AMTN: variants seen among roughly 807,000 people sequenced by gnomAD.
The protein encoded by AMTN is amelotin.
AMTN carries 29 observed loss-of-function variants against 27.4 expected under a neutral mutation model. The observed-to-expected ratio is 1.06, with a 90% CI of 0.79 to 1.44. The LOEUF (loss-of-function observed/expected upper bound fraction) is 1.44. Ranked by LOEUF, AMTN falls within the 40% of genes most tolerant of loss-of-function variation. AMTN has a pLI of 0.00. For synonymous variants in AMTN, 86 were observed against 95.7 expected (o/e 0.90, Z 0.59); for missense variants, 247 against 248.8 (o/e 0.99, Z 0.05).
chr4:70,529,108 A>T, intron 6 of AMTN, 76 bp from the exon 7 acceptor site: 1 of 1,249,880 alleles, frequency 8.0e-7, no homozygotes, highest in Non-Finnish European at 1.1e-6. Flanking sequence ...TTTAAGTTTT[A>T]AGTGATATTA....
In AMTN at chr4:70,529,209, T is replaced by C. The variant is rs751650716; in HGVS notation, c.356T>C (p.Leu119Ser). 1.2e-5 allele frequency: 18 copies of C among 1,545,192 alleles called. No individual in the cohort carries two copies. Among genetic ancestry groups the C allele is most frequent in the Non-Finnish European group, 1.6e-5 (18 of 1,150,628 alleles). The part of the protein sequence containing the change: ...AQGTILSSEE[L>S]PQIFTSLIIH... ...GGCACTATCCTAAGCTCAGAGGAATTGGTAAAAAAAATAAAAATACTATTT... is the reference window on the plus strand; with the variant it reads ...GGCACTATCCTAAGCTCAGAGGAATCGGTAAAAAAAATAAAAATACTATTT... Residue 119 changes from leucine (L) to serine (S), a missense_variant and splice_region_variant, in exon 7 of 9, where the codon TTG (leucine) becomes TCG (serine). Leu to Ser is a moderately radical substitution (Grantham distance 145). Coordinates refer to ENST00000339336, the MANE Select transcript of AMTN (RefSeq NM_212557.4).
Position 70,531,044 on chromosome 4 carries a change from A to T in AMTN, c.363A>T (p.Gln121His). The change falls in exon 8 of 9, where the codon CAA (glutamine) becomes CAT (histidine). Residue 121 changes from glutamine to histidine, a missense_variant. By Grantham distance (24) the Gln-to-His change is conservative (BLOSUM62 0). Coordinates refer to ENST00000339336, the MANE Select transcript of AMTN (RefSeq NM_212557.4). ...GTILSSEELP[Q>H]IFTSLIIHSL... ...GTTTGCTTCCCTCATTCCAGCCACAAATCTTCACGAGCCTCATCATCCATT... is the reference window on the plus strand; with the variant it reads ...GTTTGCTTCCCTCATTCCAGCCACATATCTTCACGAGCCTCATCATCCATT... 6.2e-7 allele frequency: 1 copy of T among 1,613,644 alleles called. No individual in the cohort carries two copies. The highest frequency in any genetic ancestry group is 8.5e-7 in the Non-Finnish European group (1 of 1,179,704).
rs3223259 is a variant in AMTN at position 70,530,221 on chromosome 4, GCACACA to G, written c.358-797_358-792del. Among the ~76,000 whole-genome samples the G allele has an allele frequency of 5.6e-3, 848 of 150,278 alleles. 8 individuals carry two copies. The highest frequency in any genetic ancestry group is 0.017 in the African/African-American group (683 of 41,044). On this transcript the variant is annotated intron_variant, in intron 7 of 8. Transcript: ENST00000339336. Reference sequence around the variant, plus strand: ...GCAACTACATTTTTCATGCAGCTTAGCACACACACACACACACACACACACATTCAC... The same window carrying G: ...GCAACTACATTTTTCATGCAGCTTAGCACACACACACACACACACATTCAC...
intron 8 of AMTN, among the ~76,000 whole-genome samples, chr4:70,531,861 G>A (rs1205793940): frequency 1.3e-5 from 2 of 152,156 alleles, no homozygotes; most frequent in Admixed American, 6.5e-5. Flanking sequence ...TTGCCATGTT[G>A]CCCAGGCTGG....
intron 5 of AMTN, among the ~76,000 whole-genome samples, chr4:70,528,134 G>A (rs1427250354): frequency 6.6e-6 from 1 of 152,006 alleles, no homozygotes; most frequent in African/African-American, 2.4e-5. Flanking sequence ...TTTCAGTTTG[G>A]AGACTTCTTG....
intron 8 of AMTN, among the ~76,000 whole-genome samples, chr4:70,531,676 T>A (rs1185451485): frequency 6.6e-6 from 1 of 152,124 alleles, no homozygotes; most frequent in South Asian, 2.1e-4. Flanking sequence ...CACAGCTGGC[T>A]AATTTTTGTA....
Position 70,531,134 on chromosome 4 carries a change from A to T in AMTN, c.453A>T (p.Gly151=), listed in dbSNP as rs1736212379. The T allele has an allele frequency of 6.2e-7, 1 of 1,614,028 alleles. No individual in the cohort carries two copies. ...QAGANPDVQD[G]SLPAGGAGVN... is the part of the protein sequence containing the mutation. ...GGGCTAATCCAGATGTCCAGGATGG[A>T]AGCCTTCCAGCAGGAGGAGCAGGTG... Residue 151 remains glycine (G), a synonymous_variant, in exon 8 of 9, where the codon GGA becomes GGT. Coordinates refer to ENST00000339336, the MANE Select transcript of AMTN (RefSeq NM_212557.4).
chr4:70,524,283 T>C (rs1044520424), intron 4 of AMTN, among the ~76,000 whole-genome samples: 1 of 152,174 alleles, frequency 6.6e-6, no homozygotes. Context: ...TCACCCACAA[T>C]GACAGGAGCA....
chr4:70,524,116 G>A (rs1021079093), intron 4 of AMTN, among the ~76,000 whole-genome samples, 183 bp downstream of exon 4: 23 of 152,152 alleles, frequency 1.5e-4, no homozygotes, highest in African/African-American at 4.8e-4. Flanking sequence ...ATCATTAAAC[G>A]TTTTTCTTAG....
rs1474068508 is a variant in AMTN, at chr4:70,528,681, C to G, written c.295-42C>G. On this transcript the variant is annotated intron_variant, in intron 5 of 8. Coordinates refer to ENST00000339336, the MANE Select transcript of AMTN (RefSeq NM_212557.4). ...AAGATATCAGTATTTATACCATCTT[C>G]CAGAGCTTACTTTTGAAAGAGTTTT... 16 of 1,576,548 alleles carry G rather than the reference C, an allele frequency of 1.0e-5. No individual in the cohort carries two copies. The Admixed American group carries it at 1.5e-4, about 15-fold the overall frequency.
At chr4:70,522,642 A>T in intron 2 of AMTN, 113 bp from the exon 3 acceptor site, 1 of 1,013,342 alleles carries the variant, frequency 9.9e-7, no homozygotes, top group Non-Finnish European at 1.5e-6. Context: ...CCTCTAAAAT[A>T]CACAAAGCCT....
In AMTN at chr4:70,532,538, T is replaced by G; in HGVS notation, c.*73T>G. On this transcript the variant is annotated 3_prime_UTR_variant, in exon 9 of 9. Coordinates refer to ENST00000339336, the MANE Select transcript of AMTN (RefSeq NM_212557.4). ...TGTGAATCTTTATCATTGATTATAT[T>G]ATGGAATAGATTGAGACACATTGGA... The G allele has an allele frequency of 7.4e-7, 1 of 1,348,414 alleles. No homozygotes were observed. Among genetic ancestry groups the G allele is most frequent in the African/African-American group, 1.5e-5 (1 of 68,840 alleles). The allele number at this position is 1,348,414 out of a possible 1,614,324, so 83.5% of individuals were successfully genotyped here. A position where few individuals can be genotyped will look rare whatever the true frequency, so the allele number is the denominator to read the frequency against.
chr4:70,525,027 A>G (rs1486876230), intron 5 of AMTN, 66 bp downstream of exon 5: 3 of 1,475,362 alleles, frequency 2.0e-6, no homozygotes, highest in African/African-American at 1.4e-5. Context: ...GAAAGCCTAC[A>G]GTAGAAATTT....
chr4:70,525,251 G>A (rs1024371456), intron 5 of AMTN, among the ~76,000 whole-genome samples: 5 of 152,152 alleles, frequency 3.3e-5, no homozygotes, highest in South Asian at 2.1e-4. Flanking sequence ...TACATGGGGG[G>A]AAGTTGAGAG....
chr4:70,522,677 T>G (rs4123809), intron 2 of AMTN, 78 bp from the exon 3 acceptor site: 904,411 of 1,368,120 alleles, frequency 0.66, 304,005 homozygotes, highest in African/African-American at 0.76. Context: ...TTTGCATTGG[T>G]GGCAACCTGG....
At chr4:70,523,637 C>G (rs969005465) in intron 3 of AMTN, among the ~76,000 whole-genome samples, 1 of 152,232 alleles carries the variant, frequency 6.6e-6, no homozygotes, top group Non-Finnish European at 1.5e-5. Context: ...AACAGTAAAT[C>G]ACAAATTTTC....
In AMTN at chr4:70,522,901, C is replaced by A. The variant is rs559429206; in HGVS notation, c.138+63C>A. ...AAAGAAAATACGGAACATGTACAAACCGGTAAAGAAAACACGTTAAGACTG... is the reference window on the plus strand; with the variant it reads ...AAAGAAAATACGGAACATGTACAAAACGGTAAAGAAAACACGTTAAGACTG... On this transcript the variant is annotated intron_variant, in intron 3 of 8. Coordinates refer to ENST00000339336, the MANE Select transcript of AMTN (RefSeq NM_212557.4). The A allele has an allele frequency of 1.1e-5, 17 of 1,516,600 alleles. No homozygotes were observed. The African/African-American group carries it at 1.2e-4, about 11-fold the overall frequency. The allele number at this position is 1,516,600 out of a possible 1,614,324, so 93.9% of individuals were successfully genotyped here. A position where few individuals can be genotyped will look rare whatever the true frequency, so the allele number is the denominator to read the frequency against.
intron 2 of AMTN, 21 bp from the exon 3 acceptor site, chr4:70,522,734 A>G (rs745430063): frequency 1.4e-5 from 23 of 1,612,186 alleles, no homozygotes; most frequent in Admixed American, 3.3e-5. Context: ...CTCATCAAAT[A>G]TGTATTTGTT....
intron 2 of AMTN, among the ~76,000 whole-genome samples, chr4:70,522,541 C>G (rs1278652539): frequency 6.6e-6 from 1 of 152,152 alleles, no homozygotes; most frequent in Admixed American, 6.5e-5. Flanking sequence ...ATCCCAGCCC[C>G]CTTCCCTCCA....
Sources: allele counts gnomAD v4.1 joint callset (sites outside exome capture counted in the v4.1 genomes callset), GRCh38; gene constraint gnomAD v4.1.1; transcripts MANE v1.5; gene names NCBI Gene and HGNC (gene_info 2026-07-23, HGNC 2026-07-21).